Variants in FER1L6 observed in about 807,000 individuals in gnomAD.
FER1L6 encodes fer-1 like family member 6, also known as fer-1-like protein 6.
FER1L6 carries 177 observed loss-of-function variants against 219.2 expected under a neutral mutation model. The ratio of observed to expected loss-of-function variants is 0.81; its 90% CI spans 0.71 to 0.91. The LOEUF is 0.91. Among genes scored for constraint, FER1L6 ranks in the 40% least tolerant of loss-of-function variants. The probability of loss-of-function intolerance (pLI) is 0.00; values close to 1 mark genes in which losing one functional copy is unlikely to be tolerated. For synonymous variants in FER1L6, 768 were observed against 824.3 expected, an observed-to-expected ratio of 0.93 and a Z score of 1.17; for missense variants, 2,153 against 2,259.9, an observed-to-expected ratio of 0.95 and a Z score of 0.96.
intron 1 of FER1L6, among the ~76,000 whole-genome samples, chr8:123,919,452 C>T (rs373728488): frequency 1.3e-5 from 2 of 152,184 alleles, no homozygotes; most frequent in African/African-American, 2.4e-5. Context: ...ACTTGAAAAG[C>T]GTCCTGCCAG....
chr8:123,862,815 C>T (rs1321866260), intron 1 of FER1L6, among the ~76,000 whole-genome samples: 3 of 119,194 alleles, frequency 2.5e-5, no homozygotes, highest in South Asian at 2.7e-4. Context: ...TCGGTGGGAT[C>T]GGTGGTGATA....
intron 3 of FER1L6, among the ~76,000 whole-genome samples, chr8:123,964,672 G>A (rs1815455767): frequency 6.6e-6 from 1 of 152,142 alleles, no homozygotes; most frequent in East Asian, 1.9e-4. Flanking sequence ...GTGGAGGAAG[G>A]CAGGAGAAAG....
At chr8:123,987,363 A>T (rs1586556930) in intron 12 of FER1L6, among the ~76,000 whole-genome samples, 1 of 151,292 alleles carries the variant, frequency 6.6e-6, no homozygotes, top group East Asian at 2.0e-4. Flanking sequence ...TTAAAATCAG[A>T]TTATTGGATT....
intron 33 of FER1L6, among the ~76,000 whole-genome samples, chr8:124,086,125 GC>G (rs1366275274): frequency 2.0e-5 from 3 of 149,702 alleles, no homozygotes; most frequent in African/African-American, 7.4e-5. Flanking sequence ...TTTTTTGTAG[GC>G]AACGGAGTAT....
intron 37 of FER1L6, among the ~76,000 whole-genome samples, chr8:124,099,688 T>C (rs1193212820): frequency 6.6e-6 from 1 of 152,218 alleles, no homozygotes; most frequent in Non-Finnish European, 1.5e-5. Context: ...GTCAGTCCTG[T>C]ACTTAAAACC....
Position 123,977,421 on chromosome 8 carries a change from G to A in FER1L6, c.875G>A (p.Arg292Gln), listed in dbSNP as rs770208480. The A allele has an allele frequency of 6.8e-6, 11 of 1,612,058 alleles. No homozygotes were observed. Among genetic ancestry groups the A allele is most frequent in the African/African-American group, 1.3e-5 (1 of 74,832 alleles). Residue 292 changes from arginine (R) to glutamine (Q), a missense_variant, in exon 10 of 41, where the codon CGA (arginine) becomes CAA (glutamine). Coordinates refer to ENST00000522917, the MANE Select transcript of FER1L6 (RefSeq NM_001039112.2). ...VEVSFAGQMG[R>Q]TTVQKNCADP... ...TCCTCCTGGCTGTGTTTTTAGGGGC[G>A]AACCACAGTGCAGAAGAACTGTGCT...
At chr8:124,008,802 T>G (rs1033273922) in intron 13 of FER1L6, among the ~76,000 whole-genome samples, 2 of 151,934 alleles carry the variant, frequency 1.3e-5, no homozygotes, top group Non-Finnish European at 2.9e-5. Flanking sequence ...CATCAAAAAG[T>G]GGGCTAAGGA....
In FER1L6 at chr8:124,023,612, T is replaced by C. The variant is rs150687620; in HGVS notation, c.2286+16T>C. ...CTTCCTCAAAGTAAGTGTGCAGTAT[T>C]TTAACTAAAAGAAGGGAGATTTCTG... On this transcript the variant is annotated intron_variant, in intron 18 of 40. Coordinates refer to ENST00000522917, the MANE Select transcript of FER1L6 (RefSeq NM_001039112.2). 56 of 1,612,344 alleles carry C rather than the reference T, an allele frequency of 3.5e-5. No individual in the cohort carries two copies. In the East Asian group the frequency reaches 9.4e-4, roughly 27 times the overall value.
rs184052580 is a variant in FER1L6 at position 123,911,313 on chromosome 8, C to A, written c.-7-44679C>A. Among the ~76,000 whole-genome samples the A allele has an allele frequency of 4.6e-5, 7 of 152,244 alleles. No individual in the cohort carries two copies. The East Asian group carries it at 1.2e-3, about 25-fold the overall frequency. ...GCAATAAAATGTTTTTGGGCCTTAA[C>A]ATTTTAAAAGAAAGGTCATAGTATT... On this transcript the variant is annotated intron_variant, in intron 1 of 40. Transcript: ENST00000522917.
At position 123,874,496 on chromosome 8, in the gene FER1L6, G is replaced by T. The variant is rs1816971040; in HGVS notation, c.-8+22311G>T. ...GTAAGTGCTAAAGAAACGGTAGCTG[G>T]CTTCCTATTTTACATAGAAAATAGT... On this transcript the variant is annotated intron_variant, in intron 1 of 40. Coordinates refer to ENST00000522917, the MANE Select transcript of FER1L6 (RefSeq NM_001039112.2). Among the ~76,000 whole-genome samples the T allele has an allele frequency of 3.3e-5, 5 of 152,172 alleles. No individual in the cohort carries two copies. The South Asian group carries it at 1.0e-3, about 32-fold the overall frequency.
chr8:124,044,458 C>T (rs982702700), intron 20 of FER1L6, among the ~76,000 whole-genome samples: 5 of 152,038 alleles, frequency 3.3e-5, no homozygotes, highest in African/African-American at 4.8e-5. Context: ...CCTTTGTGAC[C>T]ACAGGGCAAA....
chr8:123,863,010 G>A (rs1816772066), intron 1 of FER1L6, among the ~76,000 whole-genome samples: 1 of 136,918 alleles, frequency 7.3e-6, no homozygotes, highest in African/African-American at 3.3e-5. Flanking sequence ...GTTATTTCTT[G>A]CCTTCTGCTA....
At chr8:123,895,858 CAA>C (rs1354445566) in intron 1 of FER1L6, among the ~76,000 whole-genome samples, 6 of 152,120 alleles carry the variant, frequency 3.9e-5, no homozygotes, top group Admixed American at 3.9e-4. Context: ...GTCAAATTTA[CAA>C]AGAGTGTTAT....
chr8:123,931,018 A>G (rs897746670), intron 1 of FER1L6, among the ~76,000 whole-genome samples: 5 of 152,182 alleles, frequency 3.3e-5, no homozygotes, highest in Non-Finnish European at 5.9e-5. Flanking sequence ...TACAGGATCC[A>G]TTAATGACTT....
chr8:124,084,503 G>C (rs985700071), intron 33 of FER1L6, among the ~76,000 whole-genome samples: 1 of 152,060 alleles, frequency 6.6e-6, no homozygotes, highest in Non-Finnish European at 1.5e-5. Flanking sequence ...TGCTTTTTAA[G>C]TGTCAATTGA....
At chr8:123,916,227 G>A (rs574827114) in intron 1 of FER1L6, among the ~76,000 whole-genome samples, 2 of 152,180 alleles carry the variant, frequency 1.3e-5, no homozygotes, top group East Asian at 1.9e-4. Context: ...AGTTGCTAAC[G>A]AATATCTGTC....
At chr8:123,958,900 G>T (rs923950598) in intron 2 of FER1L6, among the ~76,000 whole-genome samples, 1 of 151,668 alleles carries the variant, frequency 6.6e-6, no homozygotes, top group Non-Finnish European at 1.5e-5. Flanking sequence ...CAGAGAGCTT[G>T]TGAGATTCGA....
At chr8:123,997,055 G>A (rs933260063) in intron 12 of FER1L6, among the ~76,000 whole-genome samples, 12 of 152,254 alleles carry the variant, frequency 7.9e-5, no homozygotes, top group African/African-American at 2.6e-4. Context: ...CACAATTACA[G>A]TGTTATAATG....
Position 123,956,087 on chromosome 8 carries a change from GTGGGGTGC to G in FER1L6, c.76+16_76+23del. On this transcript the variant is annotated intron_variant, in intron 2 of 40. Transcript: ENST00000522917. The stretch of plus-strand genomic sequence containing the variant: ...AAGGCTGCGAAAGGTGAGGCTGGGG[GTGGGGTGC>G]TGACCATTGGGGCCTGAGAGTCTCG... 6.2e-7 allele frequency: 1 copy of G among 1,605,862 alleles called. No individual in the cohort carries two copies. Among genetic ancestry groups the G allele is most frequent in the Non-Finnish European group, 8.5e-7 (1 of 1,176,178 alleles).
Sources: allele counts gnomAD v4.1 joint callset (sites outside exome capture counted in the v4.1 genomes callset), GRCh38; gene constraint gnomAD v4.1.1; transcripts MANE v1.5; gene names NCBI Gene and HGNC (gene_info 2026-07-23, HGNC 2026-07-21).